The following CDH18 variants were observed in gnomAD, a reference collection of about 807,000 sequenced individuals.
CDH18 encodes the protein cadherin 18.
Under a neutral mutation model 67.9 loss-of-function variants are expected in CDH18, and 31 were observed. That is an observed-to-expected ratio of 0.46 (90% confidence interval 0.34 to 0.62). The LOEUF is 0.62. Among genes scored for constraint, CDH18 ranks in the 20% least tolerant of loss-of-function variants. CDH18 has a pLI of 0.01. For synonymous variants in CDH18, 362 were observed against 347.2 expected, an observed-to-expected ratio of 1.04 and a Z score of -0.48; for missense variants, 890 against 975.5, an observed-to-expected ratio of 0.91 and a Z score of 1.17.
At chr5:19,965,616 T>A (rs999469903) in intron 2 of CDH18, among the ~76,000 whole-genome samples, 6 of 152,182 alleles carry the variant, frequency 3.9e-5, no homozygotes, top group Non-Finnish European at 8.8e-5. Flanking sequence ...TTTATTAGAT[T>A]TCTTTTATTC....
At chr5:19,895,425 A>G (rs1789213925) in intron 2 of CDH18, among the ~76,000 whole-genome samples, 1 of 152,216 alleles carries the variant, frequency 6.6e-6, no homozygotes, top group African/African-American at 2.4e-5. Context: ...TGTGAGTCTT[A>G]AAAGAGCAAA....
intron 1 of CDH18, among the ~76,000 whole-genome samples, chr5:20,488,788 A>G (rs1753384275): frequency 1.3e-5 from 2 of 151,710 alleles, no homozygotes; most frequent in Non-Finnish European, 1.5e-5. Flanking sequence ...GAAAAGCCAC[A>G]TTTATGTAAA....
chr5:20,462,075 T>G (rs1751302491), intron 1 of CDH18, among the ~76,000 whole-genome samples: 1 of 152,212 alleles, frequency 6.6e-6, no homozygotes, highest in East Asian at 1.9e-4. Flanking sequence ...CTCCCATGTT[T>G]ATTATTTCAT....
chr5:20,504,050 AAG>A (rs1302831109), intron 1 of CDH18, among the ~76,000 whole-genome samples: 1 of 111,486 alleles, frequency 9.0e-6, no homozygotes, highest in East Asian at 2.9e-4. Context: ...AAAAAAAAAA[AAG>A]AGAGAGAGAG....
intron 9 of CDH18, among the ~76,000 whole-genome samples, chr5:19,523,594 GA>G (rs1423458690): frequency 4.0e-5 from 6 of 151,892 alleles, no homozygotes; most frequent in African/African-American, 1.2e-4. Flanking sequence ...TCATTAGTAT[GA>G]AAAAAAGTAG....
chr5:20,092,838 G>A (rs894288572), intron 2 of CDH18, among the ~76,000 whole-genome samples: 3 of 151,980 alleles, frequency 2.0e-5, no homozygotes, highest in Non-Finnish European at 4.4e-5. Context: ...AATAAAATGG[G>A]AAGAATGACT....
intron 5 of CDH18, among the ~76,000 whole-genome samples, chr5:19,683,425 AT>A (rs1243418241): frequency 6.6e-6 from 1 of 151,828 alleles, no homozygotes; most frequent in African/African-American, 2.4e-5. Flanking sequence ...AACTGTTTAA[AT>A]TTTTCTCCTG....
intron 4 of CDH18, among the ~76,000 whole-genome samples, chr5:19,721,684 C>A (rs527296809): frequency 6.6e-6 from 1 of 152,228 alleles, no homozygotes; most frequent in East Asian, 1.9e-4. Context: ...GGTCCCAAAC[C>A]TTTTAACATG....
chr5:19,676,957 T>G (rs892476969), intron 5 of CDH18, among the ~76,000 whole-genome samples: 4 of 152,094 alleles, frequency 2.6e-5, no homozygotes, highest in African/African-American at 9.7e-5. Flanking sequence ...GCTCTAAAAC[T>G]TCCCTTGGTC....
chr5:20,394,821 C>T (rs1374088642), intron 1 of CDH18, among the ~76,000 whole-genome samples: 1 of 151,840 alleles, frequency 6.6e-6, no homozygotes, highest in African/African-American at 2.4e-5. Context: ...GGCCAACAAA[C>T]ATATGAAAAA....
intron 2 of CDH18, among the ~76,000 whole-genome samples, chr5:20,168,335 G>C (rs1736452652): frequency 6.6e-6 from 1 of 152,110 alleles, no homozygotes; most frequent in South Asian, 2.1e-4. Context: ...GCGCACTTTA[G>C]TTTAGCTAAT....
At chr5:20,225,169 A>C (rs150856886) in intron 2 of CDH18, among the ~76,000 whole-genome samples, 10 of 152,234 alleles carry the variant, frequency 6.6e-5, no homozygotes, top group African/African-American at 2.4e-4. Context: ...ATACATGCTC[A>C]TGAAGTCACT....
rs559693511 is a variant in CDH18, at chr5:19,872,771, G to A, written c.-256-33529C>T. 7.2e-5 allele frequency among the ~76,000 whole-genome samples: 11 copies of A among 152,182 alleles called. No individual in the cohort carries two copies. The East Asian group carries it at 9.7e-4, about 13-fold the overall frequency. ...GAGATGTAATAAATAGGTTTCAAGC[G>A]CATAAAAGCACGGTAATTTGTTACA... On this transcript the variant is annotated intron_variant, in intron 2 of 12. Transcript: ENST00000382275.
intron 1 of CDH18, among the ~76,000 whole-genome samples, chr5:20,256,387 C>T (rs1002985785): frequency 1.3e-5 from 2 of 152,088 alleles, no homozygotes; most frequent in Middle Eastern, 3.4e-3. Flanking sequence ...ATTTGATATA[C>T]GATTTCTATT....
intron 6 of CDH18, among the ~76,000 whole-genome samples, chr5:19,591,749 C>A (rs1239867943): frequency 1.3e-5 from 2 of 152,000 alleles, no homozygotes; most frequent in South Asian, 4.1e-4. Context: ...GATATACAGT[C>A]ATGTCCGAGA....
intron 2 of CDH18, among the ~76,000 whole-genome samples, chr5:20,017,701 G>T (rs1737996449): frequency 6.6e-6 from 1 of 152,146 alleles, no homozygotes; most frequent in Non-Finnish European, 1.5e-5. Context: ...TCAAGGCTTA[G>T]TTACTTTAGC....
chr5:19,698,656 A>G (rs1471985488), intron 5 of CDH18, among the ~76,000 whole-genome samples: 2 of 152,126 alleles, frequency 1.3e-5, no homozygotes, highest in Non-Finnish European at 2.9e-5. Flanking sequence ...ACTCTTAAAA[A>G]TGGAATAGTT....
At chr5:20,199,017 G>A (rs1478001510) in intron 2 of CDH18, among the ~76,000 whole-genome samples, 1 of 152,250 alleles carries the variant, frequency 6.6e-6, no homozygotes, top group Non-Finnish European at 1.5e-5. Context: ...TGTCCAGGCA[G>A]AAGTGTGCTG....
chr5:20,037,349 A>G (rs1739967868), intron 2 of CDH18, among the ~76,000 whole-genome samples: 1 of 151,996 alleles, frequency 6.6e-6, no homozygotes, highest in Non-Finnish European at 1.5e-5. Context: ...GCTCTGGACA[A>G]AGTGGACCTA....
Sources: allele counts gnomAD v4.1 joint callset (sites outside exome capture counted in the v4.1 genomes callset), GRCh38; gene constraint gnomAD v4.1.1; transcripts MANE v1.5; gene names NCBI Gene and HGNC (gene_info 2026-07-23, HGNC 2026-07-21).